The following SREBF2 variants were observed in gnomAD, a reference collection of about 807,000 sequenced individuals.
SREBF2 encodes sterol regulatory element binding transcription factor 2, also known as sterol regulatory element-binding protein 2.
Under a neutral mutation model 113.1 loss-of-function variants are expected in SREBF2, and 55 were observed. The ratio of observed to expected loss-of-function variants is 0.49; its 90% confidence interval spans 0.39 to 0.61. The LOEUF (loss-of-function observed/expected upper bound fraction) is 0.61. SREBF2 is among the 20% of genes least tolerant of loss of function. SREBF2 has a pLI of 0.00. For synonymous variants in SREBF2, 593 were observed against 605.7 expected (o/e 0.98, Z 0.31); for missense variants, 1,349 against 1,487.4 (o/e 0.91, Z 1.53).
chr22:41,875,289 T>G (rs56064241), intron 5 of SREBF2, 48 bp from the exon 6 acceptor site: 1 of 1,526,066 alleles, frequency 6.6e-7, no homozygotes, highest in Non-Finnish European at 9.1e-7. Flanking sequence ...CTTTTCACAC[T>G]GTAGCCTGCA....
intron 11 of SREBF2, 71 bp downstream of exon 11, chr22:41,885,082 A>G (rs2077287815): frequency 1.3e-6 from 2 of 1,570,736 alleles, no homozygotes; most frequent in Admixed American, 3.6e-5. Flanking sequence ...AAGATGCAGA[A>G]GCAGTTATGA....
At position 41,884,911 on chromosome 22, in the gene SREBF2, G is replaced by A; in HGVS notation, c.2108G>A (p.Cys703Tyr). Residue 703 changes from cysteine (C) to tyrosine (Y), a missense_variant, in exon 11 of 19, where the codon TGT becomes TAT. By Grantham distance (194) the Cys-to-Tyr change is radical (BLOSUM62 -2). Transcript: ENST00000361204. Reference protein sequence around the residue: ...MALCAVNLAECAEEKIPPSTL... With the variant: ...MALCAVNLAEYAEEKIPPSTL... The stretch of plus-strand genomic sequence containing the variant: ...TTGTGTGCCGTGAACCTGGCTGAAT[G>A]TGCAGAGGAGAAGATCCCACCGAGC... 6.2e-7 allele frequency: 1 copy of A among 1,614,202 alleles called. No homozygotes were observed. The highest frequency in any genetic ancestry group is 8.5e-7 in the Non-Finnish European group (1 of 1,180,038).
chr22:41,901,040 C>T (rs774045035), intron 16 of SREBF2: 1 of 510,942 alleles, frequency 2.0e-6, no homozygotes, highest in Non-Finnish European at 4.0e-6. Flanking sequence ...GAGAGACTGC[C>T]CTGACTGAAG....
chr22:41,838,428 G>A (rs911752709), intron 1 of SREBF2, among the ~76,000 whole-genome samples: 2 of 152,034 alleles, frequency 1.3e-5, no homozygotes, highest in Non-Finnish European at 2.9e-5. Context: ...TTAATCATGG[G>A]TTTTTAAGAA....
At chr22:41,846,674 G>A (rs2076879237) in intron 1 of SREBF2, among the ~76,000 whole-genome samples, 1 of 152,214 alleles carries the variant, frequency 6.6e-6, no homozygotes, top group African/African-American at 2.4e-5. Flanking sequence ...TACTTCAGCA[G>A]CTGGCAGGAC....
At position 41,889,408 on chromosome 22, in the gene SREBF2, T is replaced by C. The variant is rs556972392; in HGVS notation, c.2209-3709T>C. ...TCTCAAAGTGCTGGGATTATAGGCA[T>C]GCACCACCGCGCCTGGCCTCTGTTA... On this transcript the variant is annotated intron_variant, in intron 11 of 18. Coordinates refer to ENST00000361204, the MANE Select transcript of SREBF2 (RefSeq NM_004599.4). Among the ~76,000 whole-genome samples, 7 of 152,214 alleles carry C rather than the reference T, an allele frequency of 4.6e-5. No individual in the cohort carries two copies. The South Asian group carries it at 1.5e-3, about 32-fold the overall frequency.
Position 41,905,642 on chromosome 22 carries a change from T to C in SREBF2, c.3408T>C (p.Thr1136=), listed in dbSNP as rs750534310. ...TGATTGTTAAGCTGGGTGGTGGCAC[T>C]GCCATTGCCGCCTCCTGACCACCAG... ...QQMIVKLGGG[T]AIAAS is the part of the protein sequence containing the mutation. Residue 1136 remains threonine (T), a synonymous_variant, in exon 19 of 19, where the codon ACT becomes ACC. Transcript: ENST00000361204. The C allele has an allele frequency of 5.0e-6, 8 of 1,587,616 alleles. No individual in the cohort carries two copies. The highest frequency in any genetic ancestry group is 6.8e-6 in the Non-Finnish European group (8 of 1,167,928).
chr22:41,870,892 C>T lies in SREBF2; in HGVS notation c.724C>T (p.Leu242=), dbSNP rs1421361718. ...CTTTTCTTCCTTCTTCATCCAGGTC[C>T]TGGTCCAGCCTCAGATCATCAAGAC... The part of the protein sequence containing the change: ...AAPQVQQVPV[L]VQPQIIKTDS... Residue 242 remains leucine (L), a synonymous_variant, in exon 4 of 19, where the codon CTG becomes TTG. Transcript: ENST00000361204. 1.2e-5 allele frequency: 20 copies of T among 1,614,194 alleles called. No individual in the cohort carries two copies. The highest frequency in any genetic ancestry group is 1.7e-5 in the Non-Finnish European group (20 of 1,180,038).
intron 1 of SREBF2, among the ~76,000 whole-genome samples, chr22:41,860,888 A>G (rs558890751): frequency 6.7e-6 from 1 of 149,928 alleles, no homozygotes; most frequent in Non-Finnish European, 1.5e-5. Flanking sequence ...TCAAAAAAAT[A>G]AAAAAAAAAG....
chr22:41,868,513 G>C, intron 2 of SREBF2, 98 bp from the exon 3 acceptor site: 7 of 1,385,088 alleles, frequency 5.1e-6, no homozygotes, highest in Non-Finnish European at 7.2e-6. Context: ...TGGGGAGTTG[G>C]AATCATTATG....
chr22:41,841,557 A>G (rs959149206), intron 1 of SREBF2, among the ~76,000 whole-genome samples: 7 of 152,194 alleles, frequency 4.6e-5, no homozygotes, highest in Non-Finnish European at 1.0e-4. Flanking sequence ...AATGTTCTTG[A>G]ATGCTGCTTG....
chr22:41,872,706 C>A (rs1472253020), intron 4 of SREBF2, among the ~76,000 whole-genome samples: 3 of 151,826 alleles, frequency 2.0e-5, no homozygotes, highest in Non-Finnish European at 4.4e-5. Flanking sequence ...GCCTGGCCAA[C>A]ATGATGAAAT....
chr22:41,886,131 C>T (rs2148403150), intron 11 of SREBF2: 1 of 152,356 alleles, frequency 6.6e-6, no homozygotes, highest in Admixed American at 6.5e-5. Flanking sequence ...TTGAGCTTGA[C>T]ATTGATCTTC....
At position 41,906,508 on chromosome 22, in the gene SREBF2, C is replaced by T. The variant is rs563645462; in HGVS notation, c.*848C>T. On this transcript the variant is annotated 3_prime_UTR_variant, in exon 19 of 19. Coordinates refer to ENST00000361204, the MANE Select transcript of SREBF2 (RefSeq NM_004599.4). ...TTCAGCATGGCTTCTAGGTTCCCTC[C>T]TCCCCCTACCCCATCTCCTACCTCC... The T allele has an allele frequency of 1.1e-4, 17 of 160,628 alleles. No homozygotes were observed. The highest frequency in any genetic ancestry group is 3.5e-4 in the Admixed American group (6 of 17,230). 10.0% of individuals were successfully genotyped at this position (160,628 alleles called of 1,614,324 possible). A position where few individuals can be genotyped will look rare whatever the true frequency, so the allele number is the denominator to read the frequency against.
intron 12 of SREBF2, among the ~76,000 whole-genome samples, chr22:41,894,527 C>A (rs1004955075): frequency 6.6e-6 from 1 of 152,166 alleles, no homozygotes; most frequent in Non-Finnish European, 1.5e-5. Context: ...CCAACTCCAC[C>A]TGACAGCTCC....
intron 15 of SREBF2, 80 bp downstream of exon 15, chr22:41,898,861 G>A (rs1276928225): frequency 5.1e-6 from 8 of 1,579,396 alleles, no homozygotes; most frequent in Admixed American, 3.5e-5. Flanking sequence ...ACTGGACTGG[G>A]TGGGCGTGTT....
intron 4 of SREBF2, among the ~76,000 whole-genome samples, chr22:41,873,065 C>CA (rs1379516370): frequency 2.6e-5 from 4 of 151,744 alleles, no homozygotes; most frequent in Admixed American, 2.6e-4. Context: ...GGCATGGTGG[C>CA]GCATGCCTGT....
chr22:41,854,595 G>A (rs971064676), intron 1 of SREBF2, among the ~76,000 whole-genome samples: 2 of 151,946 alleles, frequency 1.3e-5, no homozygotes, highest in Admixed American at 1.3e-4. Context: ...GAATCCGGGG[G>A]TGGTGGCTCA....
At position 41,835,692 on chromosome 22, in the gene SREBF2, A is replaced by G. The variant is rs915234384; in HGVS notation, c.88+2334A>G. On this transcript the variant is annotated intron_variant, in intron 1 of 18. Transcript: ENST00000361204. Reference sequence around the variant, plus strand: ...GCCCAGGCTGGAGTGCAGTGGCACAATCATAGCTCACTGCAGCCTTGAACT... The same window carrying G: ...GCCCAGGCTGGAGTGCAGTGGCACAGTCATAGCTCACTGCAGCCTTGAACT... Among the ~76,000 whole-genome samples, 237 of 152,202 alleles carry G rather than the reference A, an allele frequency of 1.6e-3. 3 individuals are homozygous for G. Among genetic ancestry groups the G allele is most frequent in the Non-Finnish European group, 4.4e-4 (30 of 68,018 alleles).
Sources: gnomAD v4.1 joint callset for allele counts (sites outside exome capture counted in the v4.1 genomes callset) on GRCh38, gnomAD v4.1.1 for gene constraint, MANE v1.5 for transcripts, NCBI Gene and HGNC (gene_info 2026-07-23, HGNC 2026-07-21) for gene names.